The following NELL1 variants were observed in gnomAD, a reference collection of about 807,000 sequenced individuals.
NELL1 encodes the protein protein kinase C-binding protein NELL1.
A neutral mutation model predicts 107.4 loss-of-function variants in NELL1; 76 were observed. That is an observed-to-expected ratio of 0.71 (90% CI 0.59 to 0.86). NELL1 has a LOEUF of 0.86. Among genes scored for constraint, NELL1 ranks in the 40% least tolerant of loss-of-function variants. The pLI is 0.00. For synonymous variants in NELL1, 353 were observed against 341.2 expected (o/e 1.03, Z -0.38); for missense variants, 1,024 against 1,005.5 (o/e 1.02, Z -0.25).
intron 2 of NELL1, among the ~76,000 whole-genome samples, chr11:20,683,097 C>T (rs1021434799): frequency 6.0e-5 from 9 of 151,044 alleles, no homozygotes; most frequent in African/African-American, 2.2e-4. Context: ...ATTCTTTGTT[C>T]CCTTTCCCCT....
intron 2 of NELL1, among the ~76,000 whole-genome samples, chr11:20,704,011 C>G (rs980208088): frequency 6.6e-6 from 1 of 152,140 alleles, no homozygotes; most frequent in Non-Finnish European, 1.5e-5. Flanking sequence ...CTGTAGATGT[C>G]TATTAGGTCC....
chr11:21,507,691 A>G (rs1006147876), intron 15 of NELL1, among the ~76,000 whole-genome samples: 7 of 152,164 alleles, frequency 4.6e-5, no homozygotes, highest in African/African-American at 1.7e-4. Flanking sequence ...TAAAAAAGAA[A>G]AAAATAAAGG....
At chr11:21,319,715 C>T (rs538222678) in intron 14 of NELL1, among the ~76,000 whole-genome samples, 6 of 151,572 alleles carry the variant, frequency 4.0e-5, no homozygotes, top group South Asian at 2.1e-4. Context: ...TTTGGGAGGC[C>T]GAGGCAGGTG....
intron 6 of NELL1, among the ~76,000 whole-genome samples, chr11:20,918,495 A>G (rs150550511): frequency 0.043 from 6,467 of 152,118 alleles, 200 homozygotes; most frequent in East Asian, 0.1. Flanking sequence ...TGGGTAATTT[A>G]TAAAGGAAAG....
At chr11:21,304,205 G>GAA (rs1849558656) in intron 14 of NELL1, among the ~76,000 whole-genome samples, 1 of 151,948 alleles carries the variant, frequency 6.6e-6, no homozygotes, top group African/African-American at 2.4e-5. Flanking sequence ...CAAAGCCAAA[G>GAA]AAAAACCACC....
chr11:21,085,263 A>T (rs563694446), intron 12 of NELL1, among the ~76,000 whole-genome samples: 26 of 152,340 alleles, frequency 1.7e-4, no homozygotes, highest in South Asian at 4.1e-4. Flanking sequence ...TGAATAAATG[A>T]ACTCCATACT....
Position 21,276,816 on chromosome 11 carries a change from C to A in NELL1, c.1549+47362C>A, listed in dbSNP as rs573589749. 1.4e-4 allele frequency among the ~76,000 whole-genome samples: 22 copies of A among 152,260 alleles called. 1 individual carries two copies. The South Asian group carries it at 4.1e-3, about 29-fold the overall frequency. ...ATGGGGAAAGGATTCCCTGTTTAAT[C>A]AATGGCGCTGGGGAAACTGGCTAGC... On this transcript the variant is annotated intron_variant, in intron 14 of 19. Coordinates refer to ENST00000357134, the MANE Select transcript of NELL1 (RefSeq NM_006157.5).
chr11:20,979,743 A>G (rs577366455), intron 12 of NELL1, among the ~76,000 whole-genome samples: 1 of 152,276 alleles, frequency 6.6e-6, no homozygotes, highest in Admixed American at 6.5e-5. Flanking sequence ...CTTGGTGACT[A>G]GGAATACTCA....
chr11:21,334,306 T>A (rs1850337641), intron 14 of NELL1, among the ~76,000 whole-genome samples: 1 of 151,980 alleles, frequency 6.6e-6, no homozygotes, highest in African/African-American at 2.4e-5. Flanking sequence ...TATTTTAGGC[T>A]TTTTGAGCCA....
chr11:20,941,465 C>T (rs776681128), intron 10 of NELL1, among the ~76,000 whole-genome samples: 24 of 152,124 alleles, frequency 1.6e-4, no homozygotes, highest in Non-Finnish European at 2.9e-4. Flanking sequence ...GTTCTTTTCC[C>T]CCATTGGGTT....
intron 12 of NELL1, among the ~76,000 whole-genome samples, chr11:21,047,384 G>A (rs1210028391): frequency 2.0e-5 from 3 of 151,632 alleles, no homozygotes; most frequent in Non-Finnish European, 2.9e-5. Context: ...TATAATAATT[G>A]GTGTCAAATT....
chr11:21,014,909 T>C (rs1289382618), intron 12 of NELL1, among the ~76,000 whole-genome samples: 2 of 152,100 alleles, frequency 1.3e-5, no homozygotes. Flanking sequence ...CTGAGAAAAA[T>C]AGTCTTGATT....
At chr11:20,883,486 A>T (rs1446656974) in intron 4 of NELL1, among the ~76,000 whole-genome samples, 2 of 152,240 alleles carry the variant, frequency 1.3e-5, no homozygotes, top group African/African-American at 2.4e-5. Flanking sequence ...AGCTCGTCTA[A>T]CTGTGACAGA....
chr11:20,828,674 C>T (rs979936074), intron 3 of NELL1, among the ~76,000 whole-genome samples: 8 of 152,214 alleles, frequency 5.3e-5, no homozygotes, highest in African/African-American at 1.9e-4. Context: ...CACCCAGTCT[C>T]ACGTAGGACA....
intron 14 of NELL1, among the ~76,000 whole-genome samples, chr11:21,259,669 A>AG (rs1180005133): frequency 1.3e-5 from 2 of 151,902 alleles, no homozygotes; most frequent in African/African-American, 4.8e-5. Flanking sequence ...TGTTTTACAG[A>AG]GAAAAAAAAG....
chr11:21,294,754 C>A (rs1204857685), intron 14 of NELL1, among the ~76,000 whole-genome samples: 1 of 151,820 alleles, frequency 6.6e-6, no homozygotes, highest in Non-Finnish European at 1.5e-5. Context: ...CTCTAAAACC[C>A]AAGGATTTAA....
At chr11:21,319,210 A>G (rs1030927355) in intron 14 of NELL1, among the ~76,000 whole-genome samples, 14 of 151,038 alleles carry the variant, frequency 9.3e-5, no homozygotes, top group Admixed American at 5.9e-4. Context: ...GAGTCTTGCT[A>G]TGTCACCCAG....
chr11:20,694,926 A>G (rs1479577629), intron 2 of NELL1, among the ~76,000 whole-genome samples: 1 of 152,098 alleles, frequency 6.6e-6, no homozygotes, highest in Non-Finnish European at 1.5e-5. Flanking sequence ...ATCCATGAAC[A>G]TGGAACGTTT....
chr11:20,705,004 A>G (rs1290477345), intron 2 of NELL1, among the ~76,000 whole-genome samples: 2 of 152,202 alleles, frequency 1.3e-5, no homozygotes. Flanking sequence ...TGCTCAATGA[A>G]ATAAAAGAGG....
Sources: allele counts gnomAD v4.1 joint callset (sites outside exome capture counted in the v4.1 genomes callset), GRCh38; gene constraint gnomAD v4.1.1; transcripts MANE v1.5; gene names NCBI Gene and HGNC (gene_info 2026-07-23, HGNC 2026-07-21).